XKR4: variants seen among roughly 807,000 people sequenced by gnomAD.
XKR4 encodes XK related 4.
Under a neutral mutation model 53.9 loss-of-function variants are expected in XKR4, and 12 were observed. The observed-to-expected ratio is 0.22, with a 90% CI of 0.14 to 0.36. The LOEUF (loss-of-function observed/expected upper bound fraction) is 0.36, where lower values mean the gene tolerates loss of function less well. XKR4 is among the 10% of genes least tolerant of loss of function. The probability of loss-of-function intolerance (pLI) is 1.00; values close to 1 mark genes in which losing one functional copy is unlikely to be tolerated. For missense variants in XKR4, 799 were observed against 859.5 expected, an observed-to-expected ratio of 0.93 and a Z score of 0.88; for synonymous variants, 354 against 362.4, an observed-to-expected ratio of 0.98 and a Z score of 0.26.
intron 1 of XKR4, among the ~76,000 whole-genome samples, chr8:55,329,982 C>T (rs1187619426): frequency 1.3e-5 from 2 of 152,122 alleles, no homozygotes; most frequent in Admixed American, 6.6e-5. Context: ...ATAACTAATT[C>T]TCAGGGTTAA....
intron 2 of XKR4, among the ~76,000 whole-genome samples, chr8:55,504,863 C>G (rs991975753): frequency 6.6e-6 from 1 of 152,044 alleles, no homozygotes; most frequent in Non-Finnish European, 1.5e-5. Flanking sequence ...TCATAGTATT[C>G]TCTTATAATT....
At chr8:55,338,194 T>C (rs2129381720) in intron 1 of XKR4, among the ~76,000 whole-genome samples, 1 of 152,360 alleles carries the variant, frequency 6.6e-6, no homozygotes, top group Non-Finnish European at 1.5e-5. Flanking sequence ...TCCCAAATTG[T>C]GTTTTAAAAT....
chr8:55,333,473 G>A (rs1014107698), intron 1 of XKR4, among the ~76,000 whole-genome samples: 1 of 152,070 alleles, frequency 6.6e-6, no homozygotes, highest in Admixed American at 6.6e-5. Flanking sequence ...GCTTTATTCT[G>A]ATTCCCCCAT....
intron 1 of XKR4, among the ~76,000 whole-genome samples, chr8:55,162,715 A>G (rs1030537481): frequency 3.3e-4 from 50 of 152,220 alleles, no homozygotes; most frequent in Non-Finnish European, 5.7e-4. Context: ...TGTGGTCTCA[A>G]TAGTACAATT....
At chr8:55,207,047 A>G (rs1028412249) in intron 1 of XKR4, among the ~76,000 whole-genome samples, 4 of 152,206 alleles carry the variant, frequency 2.6e-5, no homozygotes, top group Non-Finnish European at 4.4e-5. Context: ...AGAGGCTTGG[A>G]AGAGAAATTT....
chr8:55,236,887 C>T (rs1818134597), intron 1 of XKR4, among the ~76,000 whole-genome samples: 1 of 152,226 alleles, frequency 6.6e-6, no homozygotes, highest in Admixed American at 6.5e-5. Flanking sequence ...CTCTCTCTCC[C>T]TCTTTCTGGT....
At chr8:55,127,794 T>C (rs187439104) in intron 1 of XKR4, among the ~76,000 whole-genome samples, 105 of 142,968 alleles carry the variant, frequency 7.3e-4, no homozygotes, top group African/African-American at 2.5e-3. Context: ...TGTGTTCTCA[T>C]TGTTCAGTTC....
intron 1 of XKR4, among the ~76,000 whole-genome samples, chr8:55,257,817 T>G (rs1818460726): frequency 6.6e-6 from 1 of 152,204 alleles, no homozygotes; most frequent in South Asian, 2.1e-4. Context: ...ATTCCGGTGT[T>G]TTCTATGAGC....
intron 1 of XKR4, among the ~76,000 whole-genome samples, chr8:55,182,363 C>T (rs1817322945): frequency 6.6e-6 from 1 of 152,004 alleles, no homozygotes; most frequent in South Asian, 2.1e-4. Context: ...ATGGATCACA[C>T]TTGGTGCATT....
chr8:55,329,319 G>T (rs1027259482), intron 1 of XKR4, among the ~76,000 whole-genome samples: 2 of 151,976 alleles, frequency 1.3e-5, no homozygotes, highest in African/African-American at 4.8e-5. Flanking sequence ...GCCCAGGACG[G>T]CTCTGCATTG....
At chr8:55,328,285 A>G (rs1267725611) in intron 1 of XKR4, among the ~76,000 whole-genome samples, 1 of 152,238 alleles carries the variant, frequency 6.6e-6, no homozygotes, top group African/African-American at 2.4e-5. Context: ...AAAGGCCCAT[A>G]CATAATATTA....
intron 1 of XKR4, among the ~76,000 whole-genome samples, chr8:55,279,004 A>ATTATT (rs1464588903): frequency 2.0e-5 from 3 of 152,228 alleles, no homozygotes; most frequent in Non-Finnish European, 4.4e-5. Flanking sequence ...GGAAATAATT[A>ATTATT]TTATTTGAGA....
intron 1 of XKR4, among the ~76,000 whole-genome samples, chr8:55,153,303 G>A (rs1297141362): frequency 6.6e-6 from 1 of 152,178 alleles, no homozygotes; most frequent in African/African-American, 2.4e-5. Flanking sequence ...GACATTTTTG[G>A]TGTTTTTACC....
chr8:55,210,430 A>G (rs201663363), intron 1 of XKR4, among the ~76,000 whole-genome samples: 1 of 152,200 alleles, frequency 6.6e-6, no homozygotes, highest in African/African-American at 2.4e-5. Flanking sequence ...GCATTTGTCT[A>G]GGTAGTTACC....
chr8:55,470,001 A>G (rs1315124084), intron 2 of XKR4, among the ~76,000 whole-genome samples: 1 of 152,116 alleles, frequency 6.6e-6, no homozygotes, highest in Non-Finnish European at 1.5e-5. Context: ...AATAAGTGCA[A>G]TAAGAAGTGC....
At chr8:55,454,573 G>A in intron 2 of XKR4, 4 of 1,441,562 alleles carry the variant, frequency 2.8e-6, no homozygotes, top group Non-Finnish European at 3.8e-6. Context: ...GGCCAGTGGA[G>A]TCTGGATGAC....
chr8:55,400,202 G>C (rs774763009), intron 2 of XKR4, among the ~76,000 whole-genome samples: 22 of 152,136 alleles, frequency 1.4e-4, no homozygotes, highest in Non-Finnish European at 2.8e-4. Context: ...GAAACTAACA[G>C]GGGTAGCAAC....
At chr8:55,399,658 C>G (rs1269713349) in intron 2 of XKR4, among the ~76,000 whole-genome samples, 2 of 152,238 alleles carry the variant, frequency 1.3e-5, no homozygotes, top group Non-Finnish European at 2.9e-5. Flanking sequence ...AAACTGTTCA[C>G]AGCTCTGACA....
intron 2 of XKR4, among the ~76,000 whole-genome samples, chr8:55,367,856 C>T (rs920260339): frequency 1.3e-5 from 2 of 152,188 alleles, no homozygotes; most frequent in African/African-American, 4.8e-5. Context: ...CTCCAAACAC[C>T]AGCTCAGTTA....
Sources: gnomAD v4.1 joint callset for allele counts (sites outside exome capture counted in the v4.1 genomes callset) on GRCh38, gnomAD v4.1.1 for gene constraint, MANE v1.5 for transcripts, NCBI Gene and HGNC (gene_info 2026-07-23, HGNC 2026-07-21) for gene names.